TMCC3: variants seen among roughly 807,000 people sequenced by gnomAD.
TMCC3 encodes the protein transmembrane and coiled-coil domain family 3, also known as transmembrane and coiled-coil domain protein 3.
Under a neutral mutation model 40.2 loss-of-function variants are expected in TMCC3, and 28 were observed. That is an observed-to-expected ratio of 0.70 (90% CI 0.52 to 0.95). TMCC3 has a LOEUF of 0.95. Among genes scored for constraint, TMCC3 ranks in the 40% least tolerant of loss-of-function variants. The probability of loss-of-function intolerance (pLI) is 0.00; values close to 1 mark genes in which losing one functional copy is unlikely to be tolerated. For missense variants in TMCC3, 554 were observed against 615.2 expected, an observed-to-expected ratio of 0.90 and a Z score of 1.05; for synonymous variants, 255 against 248.5, an observed-to-expected ratio of 1.03 and a Z score of -0.25.
intron 1 of TMCC3, among the ~76,000 whole-genome samples, chr12:94,602,975 A>G (rs923750911): frequency 6.6e-6 from 1 of 152,244 alleles, no homozygotes; most frequent in Non-Finnish European, 1.5e-5. Flanking sequence ...TTCTGTTACT[A>G]TTAGGTCTGT....
At chr12:94,604,734 G>A (rs995434950) in intron 1 of TMCC3, among the ~76,000 whole-genome samples, 4 of 137,330 alleles carry the variant, frequency 2.9e-5, no homozygotes, top group Non-Finnish European at 4.6e-5. Flanking sequence ...AGCCTAAGAG[G>A]TCAAGTCTGC....
Position 94,570,953 on chromosome 12 carries a change from G to A in TMCC3, c.*482C>T. On this transcript the variant is annotated 3_prime_UTR_variant, in exon 4 of 4. Coordinates refer to ENST00000261226, the MANE Select transcript of TMCC3 (RefSeq NM_020698.4). ...ATGGTCCCCTGGAGAGAAGCAGGGT[G>A]GATCACACGGGGACCATAGGCCACA... 1.2e-5 allele frequency: 2 copies of A among 166,710 alleles called. No homozygotes were observed. The highest frequency in any genetic ancestry group is 1.7e-4 in the East Asian group (1 of 6,014). The allele number at this position is 166,710 out of a possible 1,614,324, so 10.3% of individuals were successfully genotyped here.
intron 1 of TMCC3, among the ~76,000 whole-genome samples, chr12:94,622,330 C>T (rs1038945101): frequency 3.9e-5 from 6 of 152,138 alleles, no homozygotes; most frequent in Admixed American, 6.5e-5. Context: ...GGCCCTCCCA[C>T]ACGATCTCAC....
At chr12:94,628,453 G>A (rs1218579244) in intron 1 of TMCC3, among the ~76,000 whole-genome samples, 3 of 152,154 alleles carry the variant, frequency 2.0e-5, no homozygotes, top group Non-Finnish European at 4.4e-5. Context: ...AACCTCACCA[G>A]AGCTACCAAT....
At chr12:94,618,055 G>A (rs1344014144) in intron 1 of TMCC3, among the ~76,000 whole-genome samples, 1 of 152,134 alleles carries the variant, frequency 6.6e-6, no homozygotes, top group Non-Finnish European at 1.5e-5. Flanking sequence ...TACTTTCTTT[G>A]CTAGGTCATT....
intron 1 of TMCC3, among the ~76,000 whole-genome samples, chr12:94,625,629 T>G (rs1353405156): frequency 1.3e-5 from 2 of 150,570 alleles, no homozygotes; most frequent in African/African-American, 4.9e-5. Flanking sequence ...ATATGGCAGT[T>G]CCAGAAGGGC....
rs1476598414 is a variant in TMCC3 at position 94,650,368 on chromosome 12, G to A, written c.63C>T (p.His21=). 2 of 1,339,940 alleles carry A rather than the reference G, an allele frequency of 1.5e-6. No homozygotes were observed. Among genetic ancestry groups the A allele is most frequent in the Non-Finnish European group, 1.9e-6 (2 of 1,039,006 alleles). The allele number at this position is 1,339,940 out of a possible 1,614,324, so 83.0% of individuals were successfully genotyped here. The change falls in exon 1 of 4, where the codon CAC becomes CAT. Residue 21 remains histidine, a synonymous_variant. Transcript: ENST00000261226. ...DRTYSYPGRH[H]RCKSRVERHD... ...CTGCGCTCACCCGGCTCTTGCAGCG[G>A]TGGTGCCGGCCGGGGTACGAGTAGG...
chr12:94,621,503 AATTG>A (rs1389299802), intron 1 of TMCC3, among the ~76,000 whole-genome samples: 1 of 152,132 alleles, frequency 6.6e-6, no homozygotes, highest in Non-Finnish European at 1.5e-5. Flanking sequence ...CCGAACACCA[AATTG>A]TTAAGAGTGG....
chr12:94,609,550 C>G (rs2068802859), intron 1 of TMCC3, among the ~76,000 whole-genome samples: 1 of 152,180 alleles, frequency 6.6e-6, no homozygotes, highest in African/African-American at 2.4e-5. Context: ...TATTAACAGT[C>G]TCTTGAACAC....
intron 1 of TMCC3, among the ~76,000 whole-genome samples, chr12:94,589,503 A>G (rs1369582930): frequency 6.7e-6 from 1 of 149,876 alleles, no homozygotes; most frequent in African/African-American, 2.4e-5. Context: ...TTACATGCCC[A>G]CGAGGTAAAA....
chr12:94,621,903 G>A (rs919905121), intron 1 of TMCC3, among the ~76,000 whole-genome samples: 1 of 152,164 alleles, frequency 6.6e-6, no homozygotes, highest in African/African-American at 2.4e-5. Flanking sequence ...TTTAAAGGAT[G>A]ACTGACATGG....
At chr12:94,623,026 C>T (rs948179047) in intron 1 of TMCC3, among the ~76,000 whole-genome samples, 7 of 152,152 alleles carry the variant, frequency 4.6e-5, no homozygotes, top group African/African-American at 1.7e-4. Context: ...GGATATCTTA[C>T]TTTTCTTCTT....
At chr12:94,650,187 C>T (rs1203985508) in intron 1 of TMCC3, among the ~76,000 whole-genome samples, 166 bp downstream of exon 1, 2 of 152,018 alleles carry the variant, frequency 1.3e-5, no homozygotes, top group Admixed American at 1.3e-4. Flanking sequence ...ACGCCCCCGA[C>T]GCCCACCCTT....
chr12:94,568,223 C>T lies in TMCC3; in HGVS notation c.*3212G>A, dbSNP rs1022146268. 2 of 151,454 alleles carry T rather than the reference C, an allele frequency of 1.3e-5. No individual in the cohort carries two copies. Among genetic ancestry groups the T allele is most frequent in the African/African-American group, 2.4e-5 (1 of 41,144 alleles). 9.4% of individuals were successfully genotyped at this position (151,454 alleles called of 1,614,324 possible). A position where few individuals can be genotyped will look rare whatever the true frequency, so the allele number is the denominator to read the frequency against. ...CATGTTCATTGTCCAAACCCAGCAA[C>T]GGAGTACTTTTTTGCTGTTTCATTA... On this transcript the variant is annotated 3_prime_UTR_variant, in exon 4 of 4. Coordinates refer to ENST00000261226, the MANE Select transcript of TMCC3 (RefSeq NM_020698.4).
chr12:94,589,696 C>T (rs1046036540), intron 1 of TMCC3, among the ~76,000 whole-genome samples: 11 of 152,172 alleles, frequency 7.2e-5, no homozygotes, highest in African/African-American at 2.7e-4. Flanking sequence ...CAGTGCCTAC[C>T]TGCCTAAAAA....
chr12:94,621,628 C>G (rs572612040), intron 1 of TMCC3, among the ~76,000 whole-genome samples: 1 of 152,230 alleles, frequency 6.6e-6, no homozygotes, highest in East Asian at 1.9e-4. Flanking sequence ...TTAGGAAACA[C>G]CAATTTAGGT....
Position 94,650,339 on chromosome 12 carries a change from C to T in TMCC3, c.78+14G>A, listed in dbSNP as rs1332001935. 7.7e-7 allele frequency: 1 copy of T among 1,291,542 alleles called. No homozygotes were observed. Among genetic ancestry groups the T allele is most frequent in the Non-Finnish European group, 9.8e-7 (1 of 1,016,410 alleles). 80.0% of individuals were successfully genotyped at this position (1,291,542 alleles called of 1,614,324 possible). A position where few individuals can be genotyped will look rare whatever the true frequency, so the allele number is the denominator to read the frequency against. On this transcript the variant is annotated intron_variant, in intron 1 of 3. Coordinates refer to ENST00000261226, the MANE Select transcript of TMCC3 (RefSeq NM_020698.4). ...CCCGCGCGCACCCGCCGCCCCCCAG[C>T]CCGCTGCGCTCACCCGGCTCTTGCA...
At chr12:94,598,365 A>G (rs1461699313) in intron 1 of TMCC3, among the ~76,000 whole-genome samples, 2 of 75,546 alleles carry the variant, frequency 2.6e-5, no homozygotes, top group Non-Finnish European at 5.0e-5. Context: ...TACTCAAATC[A>G]TTGTGCTACC....
intron 1 of TMCC3, among the ~76,000 whole-genome samples, chr12:94,629,086 C>G (rs1401512760): frequency 6.6e-6 from 1 of 152,158 alleles, no homozygotes; most frequent in Non-Finnish European, 1.5e-5. Context: ...ATCAAAGAAC[C>G]TAGCTATGAC....
Sources: gnomAD v4.1 joint callset for allele counts (sites outside exome capture counted in the v4.1 genomes callset) on GRCh38, gnomAD v4.1.1 for gene constraint, MANE v1.5 for transcripts, NCBI Gene and HGNC (gene_info 2026-07-23, HGNC 2026-07-21) for gene names.